The following FADS3 variants were observed in gnomAD, a reference collection of about 807,000 sequenced individuals.
FADS3 encodes the protein fatty acid desaturase 3.
FADS3 carries 30 observed loss-of-function variants against 60.4 expected under a neutral mutation model. That is an observed-to-expected ratio of 0.50 (90% CI 0.37 to 0.67). The LOEUF (loss-of-function observed/expected upper bound fraction) is 0.67, where lower values mean the gene tolerates loss of function less well. FADS3 is among the 30% of genes least tolerant of loss of function. The probability of loss-of-function intolerance (pLI) is 0.00; values close to 1 mark genes in which losing one functional copy is unlikely to be tolerated. For missense variants in FADS3, 432 were observed against 598.3 expected (o/e 0.72, Z 2.90); for synonymous variants, 234 against 249.3 (o/e 0.94, Z 0.58).
chr11:61,891,317 G>A lies in FADS3; in HGVS notation c.65C>T (p.Thr22Ile). 1.3e-6 allele frequency: 2 copies of A among 1,523,350 alleles called. No individual in the cohort carries two copies. The highest frequency in any genetic ancestry group is 1.8e-6 in the Non-Finnish European group (2 of 1,139,282). 94.4% of individuals were successfully genotyped at this position (1,523,350 alleles called of 1,614,324 possible). ...CGCGCGGATCTGCTCCCAGCAGAAG[G>A]TGGGCAGCGGCGCCCCCGGCTGCGC... Reference protein sequence around the residue: ...GPAQPGAPLPTFCWEQIRAHD... With the variant: ...GPAQPGAPLPIFCWEQIRAHD... Residue 22 changes from threonine (T) to isoleucine (I), a missense_variant, in exon 1 of 12, where the codon ACC becomes ATC. By Grantham distance (89) the Thr-to-Ile change is moderately conservative (BLOSUM62 -1). Around this residue, in one of 5 missense-constraint regions of FADS3, gnomAD observed 167 missense variants for 188.8 expected, o/e 0.88. Coordinates refer to ENST00000278829, the MANE Select transcript of FADS3 (RefSeq NM_021727.5).
rs759765066 is a variant in FADS3, at chr11:61,875,840, T to C, written c.1286+11A>G. 1 of 1,610,472 alleles carries C rather than the reference T, an allele frequency of 6.2e-7. No individual in the cohort carries two copies. The highest frequency in any genetic ancestry group is 8.5e-7 in the Non-Finnish European group (1 of 1,177,954). Reference sequence around the variant, plus strand: ...AGCCACCAGAACAGAGGGGCCGGGCTGCAGCCTCACCTGACGATGTCCACC... The same window carrying C: ...AGCCACCAGAACAGAGGGGCCGGGCCGCAGCCTCACCTGACGATGTCCACC... On this transcript the variant is annotated intron_variant, in intron 11 of 11. Coordinates refer to ENST00000278829, the MANE Select transcript of FADS3 (RefSeq NM_021727.5).
At chr11:61,886,798 T>G (rs541448337) in intron 1 of FADS3, among the ~76,000 whole-genome samples, 22 of 152,332 alleles carry the variant, frequency 1.4e-4, no homozygotes, top group African/African-American at 5.3e-4. Context: ...CTCAGAACAG[T>G]GCCTAGTCAA....
chr11:61,880,062 G>A lies in FADS3; in HGVS notation c.303C>T (p.Pro101=). The A allele has an allele frequency of 1.2e-6, 2 of 1,613,972 alleles. No individual in the cohort carries two copies. Among genetic ancestry groups the A allele is most frequent in the African/African-American group, 1.3e-5 (1 of 75,056 alleles). ...TCACATTCAGGGGTCCATCCTGGCT[G>A]GGTTCTTCCGGAGCCAGCTCTCCAA... ...LLIGELAPEE[P]SQDGPLNAQL... is the part of the protein sequence containing the mutation. The change falls in exon 2 of 12, where the codon CCC becomes CCT. Residue 101 remains proline (P), a synonymous_variant. Coordinates refer to ENST00000278829, the MANE Select transcript of FADS3 (RefSeq NM_021727.5).
At chr11:61,886,514 G>C (rs1938324233) in intron 1 of FADS3, among the ~76,000 whole-genome samples, 1 of 152,122 alleles carries the variant, frequency 6.6e-6, no homozygotes, top group African/African-American at 2.4e-5. Context: ...CAATGTGGTA[G>C]GAGGGAGTGG....
chr11:61,877,379 C>T lies in FADS3; in HGVS notation c.885+132G>A, dbSNP rs992609238. 4.8e-5 allele frequency: 36 copies of T among 753,132 alleles called. No individual in the cohort carries two copies. The highest frequency in any genetic ancestry group is 3.8e-4 in the Middle Eastern group (1 of 2,652). The allele number at this position is 753,132 out of a possible 1,614,324, so 46.7% of individuals were successfully genotyped here. ...CACACATGTGAGCCACACTGTTGCA[C>T]GCATACATGTGAGCCACACTGTTGC... On this transcript the variant is annotated intron_variant, in intron 7 of 11. Coordinates refer to ENST00000278829, the MANE Select transcript of FADS3 (RefSeq NM_021727.5). The surrounding 1 kb of genome is among the most constrained non-coding windows in gnomAD (Gnocchi z 4.7).
chr11:61,880,250 G>T, intron 1 of FADS3, 99 bp from the exon 2 acceptor site: 1 of 914,778 alleles, frequency 1.1e-6, no homozygotes, highest in South Asian at 1.5e-5. Context: ...TGGATGGGCA[G>T]AGCAGACGAC....
intron 1 of FADS3, chr11:61,881,741 C>T (rs1039463153): frequency 6.6e-6 from 1 of 152,166 alleles, no homozygotes; most frequent in African/African-American, 2.4e-5. Context: ...ACTTCAGGCC[C>T]CTCCAGCACC....
chr11:61,875,622 G>A (rs1245366329), intron 11 of FADS3, among the ~76,000 whole-genome samples: 1 of 152,188 alleles, frequency 6.6e-6, no homozygotes, highest in Non-Finnish European at 1.5e-5. Flanking sequence ...GCCTTTGGGG[G>A]TAGGTTTGCA....
Position 61,878,599 on chromosome 11 carries a change from G to GAAGTGGC in FADS3, c.653_659dup (p.Phe220LeufsTer64). ...AGATGTTGGGCTTGGCGTGGTGCTGGAAGTGGCGGAAGTTCCACCAGTGGG... is the reference window on the plus strand; with the variant it reads ...AGATGTTGGGCTTGGCGTGGTGCTGGAAGTGGCAAGTGGCGGAAGTTCCACCAGTGGG... On this transcript the variant is annotated frameshift_variant, in exon 5 of 12. Transcript: ENST00000278829. LOFTEE classifies it high-confidence loss of function. 1 of 1,614,186 alleles carries GAAGTGGC rather than the reference G, an allele frequency of 6.2e-7. No homozygotes were observed. The highest frequency in any genetic ancestry group is 8.5e-7 in the Non-Finnish European group (1 of 1,180,024).
Position 61,878,650 on chromosome 11 carries a change from G to A in FADS3, c.625-16C>T. The A allele has an allele frequency of 6.2e-7, 1 of 1,613,840 alleles. No homozygotes were observed. Among genetic ancestry groups the A allele is most frequent in the Non-Finnish European group, 8.5e-7 (1 of 1,179,834 alleles). The stretch of plus-strand genomic sequence containing the variant: ...CGGAGAAGCCCTGTGGAGGAGGAGG[G>A]GGCTCTCAGGGCAGGCTGTGCCCCC... On this transcript the variant is annotated splice_polypyrimidine_tract_variant and intron_variant, in intron 4 of 11. Coordinates refer to ENST00000278829, the MANE Select transcript of FADS3 (RefSeq NM_021727.5).
chr11:61,875,738 G>A (rs1937851086), intron 11 of FADS3, 113 bp downstream of exon 11: 6 of 1,314,930 alleles, frequency 4.6e-6, no homozygotes, highest in Non-Finnish European at 5.2e-6. Context: ...GGCATGGGAC[G>A]TGGACAGAAA....
At position 61,873,645 on chromosome 11, in the gene FADS3, AG is replaced by A. The variant is rs1937758855; in HGVS notation, c.*168del. The A allele has an allele frequency of 3.1e-6, 2 of 648,760 alleles. No individual in the cohort carries two copies. Among genetic ancestry groups the A allele is most frequent in the South Asian group, 3.6e-5 (2 of 56,184 alleles). 40.2% of individuals were successfully genotyped at this position (648,760 alleles called of 1,614,324 possible). ...CCATCAGGCCCAGAGCCAAGGCCAT[AG>A]GGCTGCTGAATACACATGTGAGGGG... is the stretch of plus-strand genomic sequence containing the variant. On this transcript the variant is annotated 3_prime_UTR_variant, in exon 12 of 12. Coordinates refer to ENST00000278829, the MANE Select transcript of FADS3 (RefSeq NM_021727.5).
chr11:61,877,534 T>C lies in FADS3; in HGVS notation c.862A>G (p.Met288Val), dbSNP rs1937950636. ...VNFEVENLAY[M>V]LVCMQWADLL... ...ACCGCCCACTGCATGCACACCAGCA[T>C]GTACGCCAGATTTTCCACTTCAAAG... Residue 288 changes from methionine to valine, a missense_variant, in exon 7 of 12, where the codon ATG (methionine) becomes GTG (valine). Transcript: ENST00000278829. This position sits in a 1 kb window ranked among gnomAD's most constrained non-coding sequence, Gnocchi z 4.7. The C allele has an allele frequency of 1.2e-6, 2 of 1,613,646 alleles. No homozygotes were observed. The highest frequency in any genetic ancestry group is 1.1e-5 in the South Asian group (1 of 91,078).
chr11:61,877,586 G>T lies in FADS3; in HGVS notation c.810C>A (p.Ile270=). 1.2e-6 allele frequency: 2 copies of T among 1,613,482 alleles called. No homozygotes were observed. Among genetic ancestry groups the T allele is most frequent in the South Asian group, 1.1e-5 (1 of 91,042 alleles). The change falls in exon 7 of 12, where the codon ATC becomes ATA. Residue 270 remains isoleucine (I), a splice_region_variant and synonymous_variant. Coordinates refer to ENST00000278829, the MANE Select transcript of FADS3 (RefSeq NM_021727.5). The surrounding 1 kb of genome is among the most constrained non-coding windows in gnomAD (Gnocchi z 4.7). ...YNQQHLYFFL[I]GPPLLTLVNF... ...TCACCAGGGTGAGCAGCGGCGGGCCGACTGCAAGAAGGGGCATGAGAGTGT... is the reference window on the plus strand; with the variant it reads ...TCACCAGGGTGAGCAGCGGCGGGCCTACTGCAAGAAGGGGCATGAGAGTGT...
chr11:61,889,687 T>C (rs1938432296), intron 1 of FADS3, among the ~76,000 whole-genome samples: 1 of 150,656 alleles, frequency 6.6e-6, no homozygotes, highest in Admixed American at 6.6e-5. Context: ...ATCCATACTG[T>C]CCTCTAGGTT....
At chr11:61,885,886 A>G (rs1938297054) in intron 1 of FADS3, among the ~76,000 whole-genome samples, 1 of 152,176 alleles carries the variant, frequency 6.6e-6, no homozygotes, top group South Asian at 2.1e-4. Context: ...TGGGTACAGC[A>G]GGAGCGTGCC....
intron 2 of FADS3, among the ~76,000 whole-genome samples, chr11:61,879,743 G>C (rs749939257): frequency 6.6e-6 from 1 of 152,206 alleles, no homozygotes; most frequent in Admixed American, 6.5e-5. Flanking sequence ...AGAGAAATCA[G>C]TTCATCAAAA....
intron 1 of FADS3, 113 bp from the exon 2 acceptor site, chr11:61,880,264 C>T (rs558441918): frequency 2.4e-5 from 19 of 788,624 alleles, no homozygotes; most frequent in Non-Finnish European, 3.3e-5. Context: ...AGACGACAGG[C>T]GGACAGGAAG....
intron 1 of FADS3, among the ~76,000 whole-genome samples, chr11:61,890,925 G>A (rs1483025423): frequency 6.6e-6 from 1 of 152,208 alleles, no homozygotes; most frequent in Non-Finnish European, 1.5e-5. Context: ...CCACCTCTGA[G>A]GCCCCCTCCT....
Sources: gnomAD v4.1 joint callset for allele counts (sites outside exome capture counted in the v4.1 genomes callset) on GRCh38, gnomAD v4.1.1 for gene constraint, gnomAD v4.1.1 regional missense constraint, Gnocchi (gnomAD v3.1) non-coding constraint, MANE v1.5 for transcripts, NCBI Gene and HGNC (gene_info 2026-07-23, HGNC 2026-07-21) for gene names.